DOCK1: variants seen among roughly 807,000 people sequenced by gnomAD.
The protein encoded by DOCK1 is dedicator of cytokinesis 1.
Under a neutral mutation model 262.7 loss-of-function variants are expected in DOCK1, and 138 were observed. That is an observed-to-expected ratio of 0.53 (90% confidence interval 0.46 to 0.61). The LOEUF is 0.61. Among genes scored for constraint, DOCK1 ranks in the 20% least tolerant of loss-of-function variants. The probability of loss-of-function intolerance (pLI) is 0.00; values close to 1 mark genes in which losing one functional copy is unlikely to be tolerated. For missense variants in DOCK1, 1,908 were observed against 2,370.7 expected, an observed-to-expected ratio of 0.80 and a Z score of 4.05; for synonymous variants, 866 against 867.4, an observed-to-expected ratio of 1.00 and a Z score of 0.03.
chr10:127,183,071 CTTTTT>C (rs3066813), intron 27 of DOCK1, among the ~76,000 whole-genome samples: 20 of 88,610 alleles, frequency 2.3e-4, no homozygotes, highest in Middle Eastern at 6.0e-3. Flanking sequence ...TATGGTGAAT[CTTTTT>C]TTTTTTTTTT....
At chr10:127,162,752 A>G (rs1413591) in intron 27 of DOCK1, among the ~76,000 whole-genome samples, 76,871 of 152,170 alleles carry the variant, frequency 0.51, 21,499 homozygotes, top group East Asian at 0.75. Flanking sequence ...AGGAGCCGAC[A>G]TAACGAGCCG....
In DOCK1 at chr10:127,269,265, C is replaced by T. The variant is rs112692957; in HGVS notation, c.3044+11836C>T. On this transcript the variant is annotated intron_variant, in intron 29 of 51. Coordinates refer to ENST00000623213, the MANE Select transcript of DOCK1 (RefSeq NM_001290223.2). The stretch of plus-strand genomic sequence containing the variant: ...TTGCAACAAGCCATGTCTGTGACCC[C>T]CTCCATTTTTATGAAGATGACATGA... Among the ~76,000 whole-genome samples, 1,468 of 152,216 alleles carry T rather than the reference C, an allele frequency of 9.6e-3. 34 individuals carry two copies. The highest frequency in any genetic ancestry group is 0.034 in the African/African-American group (1,397 of 41,516).
intron 33 of DOCK1, 107 bp downstream of exon 33, chr10:127,362,319 G>C: frequency 7.9e-7 from 1 of 1,263,850 alleles, no homozygotes; most frequent in Non-Finnish European, 1.0e-6. Context: ...TGCCAACGTG[G>C]AAAACACATT....
chr10:127,358,104 A>T (rs747794590), intron 32 of DOCK1, among the ~76,000 whole-genome samples: 58 of 152,206 alleles, frequency 3.8e-4, no homozygotes, highest in African/African-American at 1.3e-3. Context: ...TGGAAATCAG[A>T]TCTATTTATC....
intron 27 of DOCK1, among the ~76,000 whole-genome samples, chr10:127,198,722 A>G (rs1359558230): frequency 1.3e-5 from 2 of 148,582 alleles, no homozygotes; most frequent in African/African-American, 4.9e-5. Flanking sequence ...TGCTAAGTCT[A>G]TTAAAATCAT....
chr10:127,197,762 G>A (rs1326913315), intron 27 of DOCK1, among the ~76,000 whole-genome samples: 1 of 152,164 alleles, frequency 6.6e-6, no homozygotes, highest in Non-Finnish European at 1.5e-5. Flanking sequence ...CCAAGCCATA[G>A]CTCCATCCTT....
chr10:127,031,078 G>T (rs909283576), intron 16 of DOCK1, among the ~76,000 whole-genome samples: 1 of 152,338 alleles, frequency 6.6e-6, no homozygotes, highest in African/African-American at 2.4e-5. Flanking sequence ...CATTGGGGTC[G>T]TTAGTCCATT....
intron 15 of DOCK1, chr10:127,026,060 A>C (rs1463466669): frequency 1.5e-5 from 2 of 135,920 alleles, no homozygotes; most frequent in African/African-American, 2.1e-4. Context: ...ACTCTGTATC[A>C]AAAAAAAAAA....
rs1045364363 is a variant in DOCK1, at chr10:127,375,737, T to A, written c.3675+1523T>A. On this transcript the variant is annotated intron_variant, in intron 35 of 51. Transcript: ENST00000623213. ...GCTTGTTTAGGCTAATGATAAACATTTCTGTAACAAGTTTTCTTTTCCTTA... is the reference window on the plus strand; with the variant it reads ...GCTTGTTTAGGCTAATGATAAACATATCTGTAACAAGTTTTCTTTTCCTTA... 3.9e-5 allele frequency among the ~76,000 whole-genome samples: 6 copies of A among 152,208 alleles called. No individual in the cohort carries two copies. In the East Asian group the frequency reaches 1.2e-3, roughly 29 times the overall value.
Position 127,012,419 on chromosome 10 carries a change from C to A in DOCK1, c.1201+45C>A, listed in dbSNP as rs369981818. The A allele has an allele frequency of 3.2e-6, 5 of 1,585,290 alleles. No homozygotes were observed. The Admixed American group carries it at 6.7e-5, about 21-fold the overall frequency. Reference sequence around the variant, plus strand: ...GTTTCTATCAGCGTGTATTTGCATGCGTTGGGGCAGTGCTGTCTGGGTTGG... The same window carrying A: ...GTTTCTATCAGCGTGTATTTGCATGAGTTGGGGCAGTGCTGTCTGGGTTGG... On this transcript the variant is annotated intron_variant, in intron 12 of 51. Coordinates refer to ENST00000623213, the MANE Select transcript of DOCK1 (RefSeq NM_001290223.2). This position sits in a 1 kb window ranked among gnomAD's most constrained non-coding sequence, Gnocchi z 4.0.
intron 27 of DOCK1, among the ~76,000 whole-genome samples, chr10:127,244,159 G>GTT (rs139897748): frequency 1.3e-5 from 2 of 149,470 alleles, no homozygotes; most frequent in African/African-American, 4.9e-5. Context: ...GTAAACAACA[G>GTT]TTTTTTTTTT....
At chr10:126,996,092 T>A (rs2040169399) in intron 6 of DOCK1, among the ~76,000 whole-genome samples, 1 of 152,116 alleles carries the variant, frequency 6.6e-6, no homozygotes, top group Non-Finnish European at 1.5e-5. Context: ...ATATGTAGTA[T>A]GCCTTAGGTG....
chr10:127,141,075 C>T (rs1429889879), intron 27 of DOCK1, among the ~76,000 whole-genome samples: 1 of 152,158 alleles, frequency 6.6e-6, no homozygotes, highest in Non-Finnish European at 1.5e-5. Flanking sequence ...TCACTTTCTC[C>T]CCACCTGAAA....
intron 33 of DOCK1, among the ~76,000 whole-genome samples, chr10:127,364,133 A>G (rs1398201433): frequency 6.6e-6 from 1 of 152,190 alleles, no homozygotes; most frequent in African/African-American, 2.4e-5. Context: ...CAGTGTCTGC[A>G]GGACCATGGG....
intron 27 of DOCK1, among the ~76,000 whole-genome samples, chr10:127,201,754 C>T (rs567975745): frequency 6.6e-6 from 1 of 152,316 alleles, no homozygotes; most frequent in African/African-American, 2.4e-5. Context: ...CAACTGCAGC[C>T]TCTCCTTTCT....
intron 1 of DOCK1, among the ~76,000 whole-genome samples, chr10:126,913,487 C>G (rs1458585797): frequency 6.6e-6 from 1 of 152,216 alleles, no homozygotes; most frequent in Non-Finnish European, 1.5e-5. Context: ...CCACTCGCAC[C>G]TTGCGTGGCC....
At chr10:127,005,589 A>G (rs1054880235) in intron 10 of DOCK1, among the ~76,000 whole-genome samples, 2 of 152,132 alleles carry the variant, frequency 1.3e-5, no homozygotes, top group Non-Finnish European at 2.9e-5. Context: ...CTGTCTTTTA[A>G]CCTTTTTATA....
intron 31 of DOCK1, among the ~76,000 whole-genome samples, chr10:127,348,134 A>G (rs1018597760): frequency 1.3e-5 from 2 of 151,744 alleles, no homozygotes; most frequent in Admixed American, 6.6e-5. Flanking sequence ...TGAGTATGAG[A>G]TTCGCCAGTG....
At chr10:127,004,763 T>TCCC (rs2040872593) in intron 10 of DOCK1, among the ~76,000 whole-genome samples, 1 of 8,532 alleles carries the variant, frequency 1.2e-4, no homozygotes, top group African/African-American at 4.2e-4. Flanking sequence ...AACGGCCCCC[T>TCCC]GCCCCGCCAC....
Sources: gnomAD v4.1 joint callset for allele counts (sites outside exome capture counted in the v4.1 genomes callset) on GRCh38, gnomAD v4.1.1 for gene constraint, Gnocchi (gnomAD v3.1) non-coding constraint, MANE v1.5 for transcripts, NCBI Gene and HGNC (gene_info 2026-07-23, HGNC 2026-07-21) for gene names.